IQCM: variants seen among roughly 807,000 people sequenced by gnomAD.
IQCM encodes IQ motif containing M.
IQCM carries 45 observed loss-of-function variants against 57.6 expected under a neutral mutation model. The observed-to-expected ratio is 0.78, with a 90% CI of 0.62 to 1.00. The LOEUF is 1.00. Ranked by LOEUF, IQCM falls within the 50% of genes least tolerant of loss-of-function variation. The probability of loss-of-function intolerance (pLI) is 0.00; values close to 1 mark genes in which losing one functional copy is unlikely to be tolerated. For missense variants in IQCM, 468 were observed against 511.6 expected (o/e 0.91, Z 0.82); for synonymous variants, 148 against 158.9 (o/e 0.93, Z 0.51).
intron 10 of IQCM, among the ~76,000 whole-genome samples, chr4:149,555,743 A>G (rs1749516787): frequency 6.6e-6 from 1 of 152,292 alleles, no homozygotes; most frequent in Non-Finnish European, 1.5e-5. Context: ...GTATCTTTAA[A>G]ACCTGAATAG....
chr4:149,560,958 A>C (rs1000995536), intron 10 of IQCM, among the ~76,000 whole-genome samples: 1 of 152,156 alleles, frequency 6.6e-6, no homozygotes, highest in Non-Finnish European at 1.5e-5. Flanking sequence ...GCAACCCTTC[A>C]CACAGGCACA....
At chr4:149,426,040 T>A (rs1215762302) in intron 13 of IQCM, among the ~76,000 whole-genome samples, 1 of 152,024 alleles carries the variant, frequency 6.6e-6, no homozygotes, top group Non-Finnish European at 1.5e-5. Context: ...CCCTGTTTCT[T>A]GAGTGTAACA....
At chr4:149,442,953 C>CACACAG (rs1410484547) in intron 12 of IQCM, among the ~76,000 whole-genome samples, 6 of 98,002 alleles carry the variant, frequency 6.1e-5, no homozygotes, top group Non-Finnish European at 1.3e-4. Context: ...CACACACACA[C>CACACAG]AGAGAGAGAG....
At chr4:149,737,033 C>G (rs141508289) in intron 3 of IQCM, among the ~76,000 whole-genome samples, 2 of 152,074 alleles carry the variant, frequency 1.3e-5, no homozygotes, top group Non-Finnish European at 2.9e-5. Context: ...TACACCACTA[C>G]GGATAAATTT....
intron 7 of IQCM, among the ~76,000 whole-genome samples, chr4:149,648,072 AT>A (rs1758805731): frequency 6.6e-6 from 1 of 152,086 alleles, no homozygotes; most frequent in African/African-American, 2.4e-5. Flanking sequence ...TCTATTTCAA[AT>A]TTATGTTCCT....
intron 13 of IQCM, among the ~76,000 whole-genome samples, chr4:149,419,896 C>T (rs902087312): frequency 1.1e-4 from 16 of 152,078 alleles, no homozygotes; most frequent in African/African-American, 3.9e-4. Flanking sequence ...AAAAGAAAAT[C>T]AACATCACTG....
chr4:149,595,499 CAT>C (rs1279781199), intron 8 of IQCM, among the ~76,000 whole-genome samples: 5 of 152,070 alleles, frequency 3.3e-5, no homozygotes, highest in African/African-American at 1.2e-4. Flanking sequence ...TATATTAAAA[CAT>C]GTGAAGTAAA....
chr4:149,397,064 A>T (rs1732280181), intron 13 of IQCM, among the ~76,000 whole-genome samples: 1 of 152,026 alleles, frequency 6.6e-6, no homozygotes, highest in Non-Finnish European at 1.5e-5. Context: ...TATACCTAGA[A>T]ATAGGATTGC....
chr4:149,548,658 G>T, intron 11 of IQCM, 69 bp from the exon 12 acceptor site: 1 of 774,104 alleles, frequency 1.3e-6, no homozygotes, highest in Non-Finnish European at 1.8e-6. Flanking sequence ...TTTAACTCTA[G>T]CTTTATTTTC....
chr4:149,694,364 A>G (rs1270884865), intron 5 of IQCM, among the ~76,000 whole-genome samples: 1 of 150,046 alleles, frequency 6.7e-6, no homozygotes, highest in Non-Finnish European at 1.5e-5. Flanking sequence ...AGCTGGGACT[A>G]CAGGCGCCCG....
At chr4:149,567,467 C>T (rs1332177614) in intron 9 of IQCM, among the ~76,000 whole-genome samples, 1 of 152,002 alleles carries the variant, frequency 6.6e-6, no homozygotes, top group Non-Finnish European at 1.5e-5. Flanking sequence ...ATGCCTCAGC[C>T]TCCTGAGTAG....
chr4:149,456,197 C>A (rs1737685576), intron 12 of IQCM, among the ~76,000 whole-genome samples: 1 of 151,000 alleles, frequency 6.6e-6, no homozygotes, highest in African/African-American at 2.4e-5. Flanking sequence ...GAAGTACGAT[C>A]AGACAAAGAG....
intron 5 of IQCM, among the ~76,000 whole-genome samples, chr4:149,710,758 T>C (rs576997884): frequency 2.6e-5 from 4 of 152,258 alleles, no homozygotes; most frequent in Middle Eastern, 3.4e-3. Flanking sequence ...CTCCAATCTA[T>C]AGCACAATAC....
rs144104602 is a variant in IQCM at position 149,803,628 on chromosome 4, C to T, written c.-49+11683G>A. On this transcript the variant is annotated intron_variant, in intron 2 of 13. Transcript: ENST00000636793. ...CTAGAATGCCTCATTTTTTTTAAAG[C>T]TGGACAGTTGCATGAAAAGGAACTG... 4.6e-5 allele frequency among the ~76,000 whole-genome samples: 7 copies of T among 151,972 alleles called. No homozygotes were observed. In the East Asian group the frequency reaches 1.4e-3, roughly 29 times the overall value.
At chr4:149,592,524 T>C (rs1460519403) in intron 8 of IQCM, among the ~76,000 whole-genome samples, 1 of 151,984 alleles carries the variant, frequency 6.6e-6, no homozygotes, top group Non-Finnish European at 1.5e-5. Flanking sequence ...AGACATGAAG[T>C]CCTTGCCCAT....
At chr4:149,625,024 A>G (rs1029359749) in intron 7 of IQCM, among the ~76,000 whole-genome samples, 1 of 152,210 alleles carries the variant, frequency 6.6e-6, no homozygotes. Context: ...GTAATTACAA[A>G]CAATTAATAG....
chr4:149,531,326 T>C (rs1049321596), intron 12 of IQCM, among the ~76,000 whole-genome samples: 2 of 152,288 alleles, frequency 1.3e-5, no homozygotes, highest in South Asian at 2.1e-4. Context: ...CAAGAAATTA[T>C]GGTAACAAGA....
intron 12 of IQCM, among the ~76,000 whole-genome samples, chr4:149,474,949 A>T (rs1021101345): frequency 6.6e-5 from 10 of 152,132 alleles, no homozygotes; most frequent in African/African-American, 2.2e-4. Context: ...AGTTGGAGTC[A>T]GAGTGGTTTG....
intron 2 of IQCM, among the ~76,000 whole-genome samples, chr4:149,775,966 G>T (rs950798167): frequency 6.6e-6 from 1 of 152,050 alleles, no homozygotes; most frequent in African/African-American, 2.4e-5. Context: ...TATTTTAGAT[G>T]ACAAAATTTA....
Sources: gnomAD v4.1 joint callset for allele counts (sites outside exome capture counted in the v4.1 genomes callset) on GRCh38, gnomAD v4.1.1 for gene constraint, MANE v1.5 for transcripts, NCBI Gene and HGNC (gene_info 2026-07-23, HGNC 2026-07-21) for gene names.